The following CHP1 variants were observed in gnomAD, a reference collection of about 807,000 sequenced individuals.
CHP1 encodes the protein calcineurin B homologous protein 1.
Under a neutral mutation model 27.4 loss-of-function variants are expected in CHP1, and 11 were observed. That is an observed-to-expected ratio of 0.40 (90% CI 0.25 to 0.67). The LOEUF is 0.67. Among genes scored for constraint, CHP1 ranks in the 30% least tolerant of loss-of-function variants. The probability of loss-of-function intolerance (pLI) is 0.38; values close to 1 mark genes in which losing one functional copy is unlikely to be tolerated. For synonymous variants in CHP1, 89 were observed against 87.4 expected, an observed-to-expected ratio of 1.02 and a Z score of -0.10; for missense variants, 169 against 251.3, an observed-to-expected ratio of 0.67 and a Z score of 2.22.
chr15:41,247,993 T>TA (rs1258113913), intron 2 of CHP1, among the ~76,000 whole-genome samples: 2 of 134,502 alleles, frequency 1.5e-5, no homozygotes, highest in African/African-American at 6.0e-5. Context: ...ATAAATAAAA[T>TA]AAATAAATAA....
intron 4 of CHP1, among the ~76,000 whole-genome samples, chr15:41,265,648 T>A (rs2047456462): frequency 6.6e-6 from 1 of 151,440 alleles, no homozygotes; most frequent in Non-Finnish European, 1.5e-5. Context: ...GGGGCAGAGG[T>A]TGCAGTTAGC....
intron 1 of CHP1, among the ~76,000 whole-genome samples, chr15:41,240,489 C>G (rs529180814): frequency 4.3e-4 from 65 of 152,176 alleles, no homozygotes; most frequent in Non-Finnish European, 8.1e-4. Context: ...CGCGGTGGCT[C>G]ATGCCTGTAA....
intron 1 of CHP1, among the ~76,000 whole-genome samples, chr15:41,239,377 A>G (rs965045231): frequency 2.0e-5 from 3 of 149,932 alleles, no homozygotes; most frequent in African/African-American, 7.4e-5. Flanking sequence ...TTAACATATT[A>G]GTACATTATT....
intron 1 of CHP1, among the ~76,000 whole-genome samples, chr15:41,240,022 C>A (rs142602675): frequency 5.3e-5 from 8 of 151,718 alleles, no homozygotes; most frequent in Non-Finnish European, 7.4e-5. Context: ...GTGATCCGCC[C>A]GCCTCGGCCT....
intron 4 of CHP1, among the ~76,000 whole-genome samples, chr15:41,263,132 A>G (rs2047441956): frequency 1.3e-5 from 2 of 152,286 alleles, no homozygotes; most frequent in African/African-American, 2.4e-5. Flanking sequence ...GGGGTTCCAC[A>G]TTGGATTGTT....
At chr15:41,238,767 G>T (rs766715316) in intron 1 of CHP1, among the ~76,000 whole-genome samples, 26 of 151,872 alleles carry the variant, frequency 1.7e-4, no homozygotes, top group Non-Finnish European at 3.2e-4. Context: ...CAGGAGAATG[G>T]CCTGAACCTG....
intron 1 of CHP1, among the ~76,000 whole-genome samples, chr15:41,236,436 A>AT (rs1197630887): frequency 1.3e-5 from 2 of 150,036 alleles, no homozygotes; most frequent in African/African-American, 2.5e-5. Flanking sequence ...TAATTTTTTA[A>AT]TTTTTTGTAG....
chr15:41,273,701 A>C (rs942823248), intron 5 of CHP1, among the ~76,000 whole-genome samples: 2 of 147,302 alleles, frequency 1.4e-5, no homozygotes, highest in African/African-American at 5.3e-5. Context: ...AAAAAAAAAA[A>C]GAAGTCTTAG....
intron 4 of CHP1, among the ~76,000 whole-genome samples, chr15:41,267,228 C>T (rs1303053930): frequency 2.6e-5 from 4 of 151,858 alleles, no homozygotes; most frequent in African/African-American, 4.8e-5. Context: ...GTACATTTTC[C>T]GCTAGTGAAG....
chr15:41,235,121 A>G (rs953649283), intron 1 of CHP1, among the ~76,000 whole-genome samples: 8 of 152,196 alleles, frequency 5.3e-5, no homozygotes, highest in African/African-American at 1.9e-4. Flanking sequence ...GCTTATTTGA[A>G]AAAAAGGTGT....
At chr15:41,269,456 T>C (rs1273233524) in intron 4 of CHP1, among the ~76,000 whole-genome samples, 1 of 152,178 alleles carries the variant, frequency 6.6e-6, no homozygotes, top group East Asian at 1.9e-4. Flanking sequence ...TAATAATCGC[T>C]CTGCCTGGAA....
At chr15:41,247,451 G>C (rs1020257634) in intron 2 of CHP1, among the ~76,000 whole-genome samples, 34 of 148,826 alleles carry the variant, frequency 2.3e-4, no homozygotes, top group African/African-American at 8.5e-4. Flanking sequence ...GGGTGGATCA[G>C]CTGAGGTCAG....
intron 2 of CHP1, among the ~76,000 whole-genome samples, chr15:41,248,782 G>A (rs544526980): frequency 6.6e-6 from 1 of 152,258 alleles, no homozygotes; most frequent in East Asian, 1.9e-4. Flanking sequence ...GAAGCACCAA[G>A]CTACCTTGAA....
chr15:41,244,011 A>T (rs2047320548), intron 2 of CHP1, among the ~76,000 whole-genome samples: 3 of 152,116 alleles, frequency 2.0e-5, no homozygotes, highest in Admixed American at 2.0e-4. Context: ...CAGCCTGACC[A>T]ACATGGTGAA....
At chr15:41,240,029 G>A (rs1271715453) in intron 1 of CHP1, among the ~76,000 whole-genome samples, 2 of 151,938 alleles carry the variant, frequency 1.3e-5, no homozygotes, top group East Asian at 1.9e-4. Context: ...GCCCGCCTCG[G>A]CCTCCCAAAG....
At chr15:41,238,566 A>G (rs1281938318) in intron 1 of CHP1, among the ~76,000 whole-genome samples, 1 of 152,018 alleles carries the variant, frequency 6.6e-6, no homozygotes, top group East Asian at 1.9e-4. Flanking sequence ...ATAGCAGGGC[A>G]CGGTGGCTCA....
chr15:41,269,762 G>A (rs1382994797), intron 4 of CHP1, among the ~76,000 whole-genome samples: 1 of 152,062 alleles, frequency 6.6e-6, no homozygotes, highest in Non-Finnish European at 1.5e-5. Context: ...CTTAATCTTA[G>A]TGGCATTCTT....
At chr15:41,261,381 C>G (rs2047432290) in intron 3 of CHP1, among the ~76,000 whole-genome samples, 1 of 151,620 alleles carries the variant, frequency 6.6e-6, no homozygotes, top group Admixed American at 6.6e-5. Context: ...GGTCTCAACT[C>G]CTGGCCTCAA....
intron 5 of CHP1, among the ~76,000 whole-genome samples, chr15:41,275,805 T>G (rs1329207394): frequency 6.6e-6 from 1 of 151,940 alleles, no homozygotes; most frequent in Admixed American, 6.6e-5. Context: ...AACCTCTGCC[T>G]CCCGGGTTGA....
Sources: allele counts gnomAD v4.1 joint callset (sites outside exome capture counted in the v4.1 genomes callset), GRCh38; gene constraint gnomAD v4.1.1; transcripts MANE v1.5; gene names NCBI Gene and HGNC (gene_info 2026-07-23, HGNC 2026-07-21).